AUTS2: variants seen among roughly 807,000 people sequenced by gnomAD.
AUTS2 encodes the protein autism susceptibility gene 2 protein.
AUTS2 carries 17 observed loss-of-function variants against 112.4 expected under a neutral mutation model. The ratio of observed to expected loss-of-function variants is 0.15; its 90% CI spans 0.10 to 0.23. The LOEUF is 0.23. Among genes scored for constraint, AUTS2 ranks in the 10% least tolerant of loss-of-function variants. The pLI, the probability that AUTS2 is intolerant of heterozygous loss-of-function variation, is 1.00. For synonymous variants in AUTS2, 751 were observed against 702.7 expected, an observed-to-expected ratio of 1.07 and a Z score of -1.09; for missense variants, 1,510 against 1,701.6, an observed-to-expected ratio of 0.89 and a Z score of 1.98.
intron 1 of AUTS2, among the ~76,000 whole-genome samples, chr7:69,830,258 G>A (rs1207788131): frequency 6.6e-6 from 1 of 152,080 alleles, no homozygotes; most frequent in Non-Finnish European, 1.5e-5. Flanking sequence ...GGGAAGGAGA[G>A]CGTCAGAACA....
chr7:70,354,133 G>C (rs1171198479), intron 4 of AUTS2, among the ~76,000 whole-genome samples: 3 of 152,238 alleles, frequency 2.0e-5, no homozygotes, highest in African/African-American at 7.2e-5. Context: ...TTCTCACTCA[G>C]TACATTCCTG....
chr7:70,605,506 T>C (rs1803686228), intron 5 of AUTS2, among the ~76,000 whole-genome samples: 1 of 149,360 alleles, frequency 6.7e-6, no homozygotes, highest in Non-Finnish European at 1.5e-5. Context: ...CATTTGTTTT[T>C]GTCTTTCTTT....
At chr7:69,761,939 TTGCACATTTATTGGGTACCTAC>T (rs1202704676) in intron 1 of AUTS2, among the ~76,000 whole-genome samples, 2 of 152,222 alleles carry the variant, frequency 1.3e-5, no homozygotes, top group Non-Finnish European at 1.5e-5. Flanking sequence ...TTTTATTCAT[TTGCACATTTATTGGGTACCTAC>T]TATATGTCAG....
At chr7:70,127,046 C>CG (rs1294050819) in intron 3 of AUTS2, among the ~76,000 whole-genome samples, 1 of 152,110 alleles carries the variant, frequency 6.6e-6, no homozygotes, top group Non-Finnish European at 1.5e-5. Flanking sequence ...AGGCTGCTCT[C>CG]GAACTCCTGA....
At chr7:70,769,629 G>A (rs1790205867) in intron 10 of AUTS2, among the ~76,000 whole-genome samples, 1 of 152,180 alleles carries the variant, frequency 6.6e-6, no homozygotes, top group South Asian at 2.1e-4. Context: ...AGCTTGCAGT[G>A]ATCTGAGACG....
intron 1 of AUTS2, among the ~76,000 whole-genome samples, chr7:69,734,367 A>G (rs75558015): frequency 2.1e-5 from 3 of 141,212 alleles, no homozygotes; most frequent in East Asian, 4.0e-4. Context: ...TTTTTTTTTA[A>G]TGTCTTAGGT....
At chr7:70,219,664 C>T (rs953300601) in intron 4 of AUTS2, among the ~76,000 whole-genome samples, 3 of 151,676 alleles carry the variant, frequency 2.0e-5, no homozygotes, top group Middle Eastern at 3.4e-3. Flanking sequence ...CTCTGCCTCC[C>T]GGGTTCAAGC....
chr7:70,327,554 C>G (rs779976753), intron 4 of AUTS2, among the ~76,000 whole-genome samples: 11 of 152,194 alleles, frequency 7.2e-5, no homozygotes, highest in Non-Finnish European at 1.0e-4. Context: ...CAGAAGGTAA[C>G]TTGTAACATC....
At chr7:70,044,430 T>G (rs758638966) in intron 2 of AUTS2, among the ~76,000 whole-genome samples, 11 of 152,204 alleles carry the variant, frequency 7.2e-5, no homozygotes, top group Non-Finnish European at 1.6e-4. Context: ...CCCCACCCTC[T>G]GCCTTTTTTG....
chr7:70,638,703 C>CCTTT (rs1165444145), intron 5 of AUTS2, among the ~76,000 whole-genome samples: 1 of 152,058 alleles, frequency 6.6e-6, no homozygotes, highest in Non-Finnish European at 1.5e-5. Context: ...TCTTTTTTTC[C>CCTTT]CTTTAGTTTA....
At chr7:70,559,044 G>A (rs556926620) in intron 5 of AUTS2, among the ~76,000 whole-genome samples, 40 of 152,276 alleles carry the variant, frequency 2.6e-4, no homozygotes, top group Non-Finnish European at 8.8e-5. Flanking sequence ...ACAGGGGTGG[G>A]TCTTTCCTGT....
rs1807587986 is a variant in AUTS2 at position 70,670,658 on chromosome 7, C to T, written c.691-27911C>T. Among the ~76,000 whole-genome samples the T allele has an allele frequency of 2.5e-5, 3 of 118,708 alleles. No individual in the cohort carries two copies. The Admixed American group carries it at 2.9e-4, about 11-fold the overall frequency. 77.9% of individuals were successfully genotyped at this position (118,708 alleles called of 152,430 possible). On this transcript the variant is annotated intron_variant, in intron 5 of 18. Transcript: ENST00000342771. ...TTATCCTGCACAGCCTTGGCTGACACCTCCATAAATAAGGGGACCTTCCTT... is the reference window on the plus strand; with the variant it reads ...TTATCCTGCACAGCCTTGGCTGACATCTCCATAAATAAGGGGACCTTCCTT...
intron 4 of AUTS2, among the ~76,000 whole-genome samples, chr7:70,271,013 G>C (rs569152650): frequency 1.3e-5 from 2 of 151,946 alleles, no homozygotes; most frequent in South Asian, 4.2e-4. Flanking sequence ...TTCACTCTTC[G>C]GTGAGAGGGC....
intron 4 of AUTS2, among the ~76,000 whole-genome samples, chr7:70,152,287 C>T (rs1435531512): frequency 2.0e-5 from 3 of 151,950 alleles, no homozygotes; most frequent in Non-Finnish European, 4.4e-5. Context: ...GAAAATAGTG[C>T]AGAACATCAG....
At chr7:69,762,770 A>G (rs906244554) in intron 1 of AUTS2, among the ~76,000 whole-genome samples, 3 of 152,204 alleles carry the variant, frequency 2.0e-5, no homozygotes, top group African/African-American at 7.2e-5. Flanking sequence ...AAAAAAAAGT[A>G]GTAAAGCAAC....
intron 2 of AUTS2, among the ~76,000 whole-genome samples, chr7:69,959,180 A>C (rs527278487): frequency 9.2e-5 from 14 of 152,080 alleles, no homozygotes; most frequent in Non-Finnish European, 1.3e-4. Context: ...TATAACTGCT[A>C]TTCTTTACCT....
chr7:70,480,413 T>C (rs1378154440), intron 5 of AUTS2, among the ~76,000 whole-genome samples: 1 of 152,216 alleles, frequency 6.6e-6, no homozygotes, highest in Non-Finnish European at 1.5e-5. Context: ...TACATGGCCA[T>C]ATCCTTGCAT....
At chr7:70,649,157 G>A (rs1806341020) in intron 5 of AUTS2, among the ~76,000 whole-genome samples, 2 of 150,456 alleles carry the variant, frequency 1.3e-5, no homozygotes, top group Admixed American at 6.6e-5. Flanking sequence ...TTTGGAGGCT[G>A]AGGCAGGTGG....
chr7:70,258,530 C>T (rs1048373021), intron 4 of AUTS2, among the ~76,000 whole-genome samples: 2 of 152,164 alleles, frequency 1.3e-5, no homozygotes, highest in East Asian at 1.9e-4. Context: ...CTGAAGAATG[C>T]ACTAGATCCT....
Sources: allele counts gnomAD v4.1 joint callset (sites outside exome capture counted in the v4.1 genomes callset), GRCh38; gene constraint gnomAD v4.1.1; transcripts MANE v1.5; gene names NCBI Gene and HGNC (gene_info 2026-07-23, HGNC 2026-07-21).